CLCA1: variants seen among roughly 807,000 people sequenced by gnomAD.
CLCA1 encodes calcium-activated chloride channel regulator 1.
CLCA1 carries 59 observed loss-of-function variants against 85.6 expected under a neutral mutation model. That is an observed-to-expected ratio of 0.69 (90% CI 0.56 to 0.86). The LOEUF is 0.86. CLCA1 is among the 40% of genes least tolerant of loss of function. CLCA1 has a pLI of 0.00. For missense variants in CLCA1, 1,022 were observed against 1,101.4 expected (o/e 0.93, Z 1.02); for synonymous variants, 396 against 398.3 (o/e 0.99, Z 0.07).
rs1291641114 is a variant in CLCA1, at chr1:86,484,199, A to G, written c.736-1144A>G. Among the ~76,000 whole-genome samples, 6 of 152,324 alleles carry G rather than the reference A, an allele frequency of 3.9e-5. No individual in the cohort carries two copies. The East Asian group carries it at 1.2e-3, about 29-fold the overall frequency. ...ATATCAGATGGATTTACAGTCCAGT[A>G]AGTGCACTGCAATGTTAAAGGGGCC... On this transcript the variant is annotated intron_variant, in intron 5 of 13. Transcript: ENST00000394711.
rs1420792994 is a variant in CLCA1 at position 86,473,836 on chromosome 1, T to A, written c.411T>A (p.Asp137Glu). 1.9e-6 allele frequency: 3 copies of A among 1,611,732 alleles called. No homozygotes were observed. The highest frequency in any genetic ancestry group is 1.7e-4 in the Middle Eastern group (1 of 6,056). ...GTGAAAGGATCCACCTCACTCCTGA[T>A]TTCATTGCAGGAAAAAAGTTAGCTG... Reference protein sequence around the residue: ...EKGERIHLTPDFIAGKKLAEY... With the variant: ...EKGERIHLTPEFIAGKKLAEY... The change falls in exon 3 of 14, where the codon GAT (aspartate) becomes GAA (glutamate). Residue 137 changes from aspartate to glutamate, a missense_variant. Asp to Glu is a conservative substitution (Grantham distance 45). Coordinates refer to ENST00000394711, the MANE Select transcript of CLCA1 (RefSeq NM_001285.4).
At chr1:86,476,028 G>A (rs1440412200) in intron 3 of CLCA1, among the ~76,000 whole-genome samples, 4 of 152,206 alleles carry the variant, frequency 2.6e-5, no homozygotes, top group Non-Finnish European at 5.9e-5. Context: ...AGGTCTGATG[G>A]GATAGGAGCC....
intron 9 of CLCA1, among the ~76,000 whole-genome samples, chr1:86,492,147 G>C (rs1648148793): frequency 6.6e-6 from 1 of 152,198 alleles, no homozygotes; most frequent in Non-Finnish European, 1.5e-5. Flanking sequence ...TAATTTTTAT[G>C]ATGAAAGTTC....
chr1:86,470,385 G>C (rs528535891), intron 1 of CLCA1, among the ~76,000 whole-genome samples: 1 of 152,178 alleles, frequency 6.6e-6, no homozygotes, highest in Non-Finnish European at 1.5e-5. Flanking sequence ...GTGAGTTTTT[G>C]ATTGTTTCTA....
intron 11 of CLCA1, 93 bp from the exon 12 acceptor site, chr1:86,495,412 G>A (rs1340596380): frequency 9.5e-7 from 1 of 1,053,322 alleles, no homozygotes; most frequent in Admixed American, 2.3e-5. Context: ...TGAATTTCTT[G>A]TTGCTTTGAA....
chr1:86,473,939 C>A, intron 3 of CLCA1, 63 bp downstream of exon 3: 1 of 1,216,858 alleles, frequency 8.2e-7, no homozygotes, highest in South Asian at 2.0e-5. Context: ...AGTGTATCAA[C>A]ACTAGCATTA....
In CLCA1 at chr1:86,482,273, G is replaced by C; in HGVS notation, c.626G>C (p.Arg209Thr). The change falls in exon 5 of 14, where the codon AGA (arginine) becomes ACA (threonine). Residue 209 changes from arginine to threonine, a missense_variant. Coordinates refer to ENST00000394711, the MANE Select transcript of CLCA1 (RefSeq NM_001285.4). ...KCQGGSCYTK[R>T]CTFNKVTGLY... ...CAGGGAGGCAGCTGTTACACCAAAA[G>C]ATGCACATTCAATAAAGTAACAGGA... 6 of 1,613,928 alleles carry C rather than the reference G, an allele frequency of 3.7e-6. No individual in the cohort carries two copies. The highest frequency in any genetic ancestry group is 5.1e-6 in the Non-Finnish European group (6 of 1,179,814).
rs112786245 is a variant in CLCA1 at position 86,493,297 on chromosome 1, G to A, written c.1465-87G>A. Reference sequence around the variant, plus strand: ...AGGCATCACTGAAGTCTTTTTAATGGCGCACTGGGGAGACAGGGGCAGAAG... The same window carrying A: ...AGGCATCACTGAAGTCTTTTTAATGACGCACTGGGGAGACAGGGGCAGAAG... On this transcript the variant is annotated intron_variant, in intron 9 of 13. Transcript: ENST00000394711. 1,062 of 989,934 alleles carry A rather than the reference G, an allele frequency of 1.1e-3. 7 individuals carry two copies. The African/African-American group carries it at 0.014, about 13-fold the overall frequency. 61.3% of individuals were successfully genotyped at this position (989,934 alleles called of 1,614,324 possible).
chr1:86,473,749 G>C lies in CLCA1; in HGVS notation c.324G>C (p.Glu108Asp), dbSNP rs1195926873. 6.3e-7 allele frequency: 1 copy of C among 1,586,056 alleles called. No homozygotes were observed. The highest frequency in any genetic ancestry group is 1.9e-5 in the Admixed American group (1 of 53,666). ...TTCAGGCTGATGTTCTGGTTGCTGAGTCTACTCCTCCAGGTAATGATGAAC... is the reference window on the plus strand; with the variant it reads ...TTCAGGCTGATGTTCTGGTTGCTGACTCTACTCCTCCAGGTAATGATGAAC... ...TYKNADVLVA[E>D]STPPGNDEPY... is the part of the protein sequence containing the mutation. The change falls in exon 3 of 14, where the codon GAG (glutamate) becomes GAC (aspartate). Residue 108 changes from glutamate (E) to aspartate (D), a missense_variant. Coordinates refer to ENST00000394711, the MANE Select transcript of CLCA1 (RefSeq NM_001285.4).
chr1:86,498,863 A>G, intron 13 of CLCA1, 52 bp downstream of exon 13: 1 of 1,570,574 alleles, frequency 6.4e-7, no homozygotes, highest in Non-Finnish European at 8.7e-7. Context: ...GCCAAGTAGA[A>G]GAGCAGAAGC....
intron 4 of CLCA1, among the ~76,000 whole-genome samples, chr1:86,476,828 T>C (rs374915401): frequency 5.9e-5 from 9 of 152,284 alleles, no homozygotes; most frequent in African/African-American, 2.2e-4. Flanking sequence ...AGTTGCTGTG[T>C]TTAGTGTCTC....
chr1:86,491,130 C>A, intron 8 of CLCA1, 135 bp from the exon 9 acceptor site: 2 of 539,132 alleles, frequency 3.7e-6, no homozygotes, highest in South Asian at 3.0e-5. Flanking sequence ...ATGTAGGCAC[C>A]TATTTGATGT....
At chr1:86,496,372 G>A (rs1249760556) in intron 12 of CLCA1, among the ~76,000 whole-genome samples, 1 of 152,170 alleles carries the variant, frequency 6.6e-6, no homozygotes, top group Non-Finnish European at 1.5e-5. Flanking sequence ...AGGCCAGGGA[G>A]CATAGTAGAT....
chr1:86,479,538 TAAAG>T (rs1412487290), intron 4 of CLCA1, among the ~76,000 whole-genome samples: 1 of 152,102 alleles, frequency 6.6e-6, no homozygotes. Flanking sequence ...AAGAAAGTAA[TAAAG>T]GGAATTCTTA....
chr1:86,482,104 G>A, intron 4 of CLCA1, 101 bp from the exon 5 acceptor site: 1 of 808,974 alleles, frequency 1.2e-6, no homozygotes, highest in Non-Finnish European at 2.0e-6. Flanking sequence ...TGGATCATGA[G>A]AGGAAAATCA....
At chr1:86,476,714 T>G (rs1647646202) in intron 4 of CLCA1, among the ~76,000 whole-genome samples, 161 bp downstream of exon 4, 1 of 152,256 alleles carries the variant, frequency 6.6e-6, no homozygotes, top group African/African-American at 2.4e-5. Context: ...CCATTTTGTT[T>G]ACTTTACAAG....
At position 86,500,194 on chromosome 1, in the gene CLCA1, G is replaced by A. The variant is rs1648420859; in HGVS notation, c.*149G>A. ...TACTAAATGTATTCCTGTAGGGGGCGATATACTAAATGTATTTTAGACTTC... is the reference window on the plus strand; with the variant it reads ...TACTAAATGTATTCCTGTAGGGGGCAATATACTAAATGTATTTTAGACTTC... On this transcript the variant is annotated 3_prime_UTR_variant, in exon 14 of 14. Transcript: ENST00000394711. 2 of 556,954 alleles carry A rather than the reference G, an allele frequency of 3.6e-6. No homozygotes were observed. The highest frequency in any genetic ancestry group is 3.3e-5 in the Admixed American group (1 of 30,264). The allele number at this position is 556,954 out of a possible 1,614,324, so 34.5% of individuals were successfully genotyped here.
Position 86,489,667 on chromosome 1 carries a change from AT to A in CLCA1, c.1357+498del, listed in dbSNP as rs200728011. 6.2e-3 allele frequency among the ~76,000 whole-genome samples: 948 copies of A among 152,346 alleles called. 10 individuals carry two copies. The highest frequency in any genetic ancestry group is 0.02 in the Admixed American group (300 of 15,302). On this transcript the variant is annotated intron_variant, in intron 8 of 13. Transcript: ENST00000394711. ...GGCAAAAGATCACTCCCAAAATGGA[AT>A]ACAATGCAGTTCCTCCATAAAACCT...
chr1:86,473,589 A>T, intron 2 of CLCA1, 32 bp downstream of exon 2: 1 of 1,551,172 alleles, frequency 6.4e-7, no homozygotes, highest in Non-Finnish European at 8.8e-7. Context: ...TTAAAATTCC[A>T]CTTTCTCCTG....
Sources: allele counts gnomAD v4.1 joint callset (sites outside exome capture counted in the v4.1 genomes callset), GRCh38; gene constraint gnomAD v4.1.1; transcripts MANE v1.5; gene names NCBI Gene and HGNC (gene_info 2026-07-23, HGNC 2026-07-21).